Variants in PTPRT observed in about 807,000 individuals in gnomAD.
The protein encoded by PTPRT is protein tyrosine phosphatase receptor type T.
In PTPRT, 56 loss-of-function variants were observed where a neutral mutation model predicts 176.8. That is an observed-to-expected ratio of 0.32 (90% confidence interval 0.26 to 0.40). PTPRT has a LOEUF of 0.40. Among genes scored for constraint, PTPRT ranks in the 10% least tolerant of loss-of-function variants. The probability of loss-of-function intolerance (pLI) is 1.00; values close to 1 mark genes in which losing one functional copy is unlikely to be tolerated. For missense variants in PTPRT, 1,540 were observed against 1,908.2 expected (o/e 0.81, Z 3.60); for synonymous variants, 783 against 739.0 (o/e 1.06, Z -0.96).
At chr20:42,428,407 C>G (rs1005482776) in intron 9 of PTPRT, among the ~76,000 whole-genome samples, 5 of 152,200 alleles carry the variant, frequency 3.3e-5, no homozygotes, top group Admixed American at 6.5e-5. Context: ...TGTTTACAGA[C>G]AGCCCTGTCC....
chr20:42,852,620 A>G (rs745337567), intron 2 of PTPRT, among the ~76,000 whole-genome samples: 2 of 151,844 alleles, frequency 1.3e-5, no homozygotes, highest in Admixed American at 6.6e-5. Flanking sequence ...TTTCTTTTCC[A>G]TCAGTTTGAG....
At chr20:42,198,897 A>G (rs1991336426) in intron 16 of PTPRT, among the ~76,000 whole-genome samples, 7 of 152,212 alleles carry the variant, frequency 4.6e-5, no homozygotes, top group Admixed American at 4.6e-4. Context: ...AAGCCACTCA[A>G]TTCAGTGTGG....
chr20:42,665,643 T>C (rs1014829941), intron 7 of PTPRT, among the ~76,000 whole-genome samples: 4 of 152,104 alleles, frequency 2.6e-5, no homozygotes, highest in African/African-American at 9.7e-5. Context: ...CACATGCACA[T>C]GTATGTTTAT....
At chr20:42,339,375 C>A (rs760407564) in intron 11 of PTPRT, among the ~76,000 whole-genome samples, 1 of 152,174 alleles carries the variant, frequency 6.6e-6, no homozygotes, top group Non-Finnish European at 1.5e-5. Context: ...GGCAGAGATT[C>A]TAGTTCAGCT....
chr20:42,230,817 G>T (rs1479443164), intron 15 of PTPRT, among the ~76,000 whole-genome samples: 2 of 152,210 alleles, frequency 1.3e-5, no homozygotes, highest in Non-Finnish European at 2.9e-5. Flanking sequence ...GTGTGTGCGT[G>T]TGCGTGTATA....
chr20:42,677,947 T>C lies in PTPRT; in HGVS notation c.1072A>G (p.Ile358Val), dbSNP rs2146065493. 1 of 1,614,106 alleles carries C rather than the reference T, an allele frequency of 6.2e-7. No homozygotes were observed. The highest frequency in any genetic ancestry group is 1.1e-5 in the South Asian group (1 of 91,084). The change falls in exon 7 of 31, where the codon ATC (isoleucine) becomes GTC (valine). Residue 358 changes from isoleucine to valine, a missense_variant. This residue lies in a region of PTPRT where 273 missense variants were observed against 432.1 expected (regional missense o/e 0.63). Transcript: ENST00000373187. ...WHLDPDVEYEIRVLLTRPGEG... is the reference protein window; with the variant it reads ...WHLDPDVEYEVRVLLTRPGEG... ...CCTGGTCGTGTGAGGAGCACTCGGA[T>C]CTCATACTCAACATCGGGGTCCAGA... is the stretch of plus-strand genomic sequence containing the variant.
chr20:42,712,948 G>C (rs2076167128), intron 6 of PTPRT, among the ~76,000 whole-genome samples: 1 of 152,168 alleles, frequency 6.6e-6, no homozygotes, highest in South Asian at 2.1e-4. Flanking sequence ...CCAGAGCTAT[G>C]AGAAAGGAGG....
intron 9 of PTPRT, among the ~76,000 whole-genome samples, chr20:42,381,610 T>C (rs6065470): frequency 0.19 from 29,316 of 151,802 alleles, 3,577 homozygotes; most frequent in East Asian, 0.4. Flanking sequence ...ACCTGACAGA[T>C]ACAGTGCTCA....
intron 9 of PTPRT, among the ~76,000 whole-genome samples, chr20:42,447,003 C>G (rs1045685828): frequency 6.6e-6 from 1 of 152,146 alleles, no homozygotes; most frequent in Non-Finnish European, 1.5e-5. Context: ...ATAATCTTCT[C>G]CCTCAGAGAG....
chr20:42,485,792 A>G (rs2071455376), intron 7 of PTPRT, among the ~76,000 whole-genome samples: 1 of 152,196 alleles, frequency 6.6e-6, no homozygotes, highest in Non-Finnish European at 1.5e-5. Flanking sequence ...AGAAATGCCT[A>G]CCAAGCTTTT....
At chr20:43,083,424 G>A (rs1245035217) in intron 1 of PTPRT, among the ~76,000 whole-genome samples, 4 of 141,330 alleles carry the variant, frequency 2.8e-5, no homozygotes, top group Non-Finnish European at 4.6e-5. Flanking sequence ...GCAGTGTCAC[G>A]ATCTTGGCTC....
intron 6 of PTPRT, among the ~76,000 whole-genome samples, chr20:42,722,803 G>C (rs1339096292): frequency 6.6e-6 from 1 of 152,160 alleles, no homozygotes; most frequent in Non-Finnish European, 1.5e-5. Flanking sequence ...GCCACGCATG[G>C]CCAACAGCTG....
intron 11 of PTPRT, among the ~76,000 whole-genome samples, chr20:42,330,120 A>C (rs2057946707): frequency 6.6e-6 from 1 of 152,204 alleles, no homozygotes; most frequent in East Asian, 1.9e-4. Context: ...TACATGTTGA[A>C]AAGTATAATT....
intron 9 of PTPRT, among the ~76,000 whole-genome samples, chr20:42,355,759 G>A (rs922037378): frequency 9.2e-5 from 14 of 152,198 alleles, no homozygotes; most frequent in Admixed American, 2.6e-4. Flanking sequence ...TTCTGTCCCC[G>A]TCCCCCTGCT....
chr20:42,444,357 T>C (rs1375756672), intron 9 of PTPRT, among the ~76,000 whole-genome samples: 2 of 152,190 alleles, frequency 1.3e-5, no homozygotes, highest in Admixed American at 1.3e-4. Flanking sequence ...AGATTTACTT[T>C]CCCCTTCATT....
the PTPRT span, among the ~76,000 whole-genome samples, chr20:42,032,304 T>G: frequency 6.6e-6 from 1 of 152,286 alleles, no homozygotes; most frequent in East Asian, 1.9e-4. Flanking sequence ...TACATGGTCT[T>G]TCTTCAAGAA....
At chr20:42,405,004 A>T (rs2145717411) in intron 9 of PTPRT, among the ~76,000 whole-genome samples, 1 of 146,922 alleles carries the variant, frequency 6.8e-6, no homozygotes, top group Admixed American at 6.8e-5. Flanking sequence ...ACACACAAAT[A>T]TATAACATAT....
chr20:42,249,765 ATG>A (rs1351641952), intron 13 of PTPRT, among the ~76,000 whole-genome samples: 1 of 152,240 alleles, frequency 6.6e-6, no homozygotes, highest in East Asian at 1.9e-4. Context: ...CATTCTGCTT[ATG>A]CCATAACAAA....
At chr20:42,581,136 G>A (rs1036420829) in intron 7 of PTPRT, among the ~76,000 whole-genome samples, 2 of 152,056 alleles carry the variant, frequency 1.3e-5, no homozygotes, top group Admixed American at 1.3e-4. Flanking sequence ...ATGGCTGGCC[G>A]TATACTAGAA....
Sources: allele counts gnomAD v4.1 joint callset (sites outside exome capture counted in the v4.1 genomes callset), GRCh38; gene constraint gnomAD v4.1.1; regional missense constraint gnomAD v4.1.1; transcripts MANE v1.5; gene names NCBI Gene and HGNC (gene_info 2026-07-23, HGNC 2026-07-21).